Variants in KCNIP4 observed in about 807,000 individuals in gnomAD.
KCNIP4 encodes the protein Kv channel-interacting protein 4.
A neutral mutation model predicts 34.0 loss-of-function variants in KCNIP4; 12 were observed. That is an observed-to-expected ratio of 0.35 (90% CI 0.23 to 0.57). KCNIP4 has a LOEUF of 0.57. Ranked by LOEUF, KCNIP4 falls within the 20% of genes least tolerant of loss-of-function variation. KCNIP4 has a pLI of 0.83. For missense variants in KCNIP4, 238 were observed against 311.7 expected, an observed-to-expected ratio of 0.76 and a Z score of 1.78; for synonymous variants, 124 against 102.2, an observed-to-expected ratio of 1.21 and a Z score of -1.29.
intron 1 of KCNIP4, among the ~76,000 whole-genome samples, chr4:21,631,650 A>C (rs954316396): frequency 8.5e-5 from 13 of 152,112 alleles, no homozygotes; most frequent in Non-Finnish European, 7.4e-5. Flanking sequence ...ACACCTCCTC[A>C]ATCTGGGTCA....
intron 1 of KCNIP4, among the ~76,000 whole-genome samples, chr4:21,641,716 C>T (rs1357225195): frequency 6.6e-6 from 1 of 152,114 alleles, no homozygotes; most frequent in Non-Finnish European, 1.5e-5. Context: ...TCTGTGGATA[C>T]CAGTCAGCCT....
intron 1 of KCNIP4, among the ~76,000 whole-genome samples, chr4:21,271,315 ACAAT>A (rs1374867005): frequency 1.3e-5 from 2 of 152,310 alleles, no homozygotes; most frequent in South Asian, 2.1e-4. Context: ...TGGAATGGAG[ACAAT>A]CAGGTAGAAA....
At chr4:21,200,008 A>T (rs985582779) in intron 1 of KCNIP4, among the ~76,000 whole-genome samples, 1 of 151,860 alleles carries the variant, frequency 6.6e-6, no homozygotes, top group Non-Finnish European at 1.5e-5. Flanking sequence ...ACCTGGACAC[A>T]GGAAGGGGAA....
intron 1 of KCNIP4, among the ~76,000 whole-genome samples, chr4:21,159,294 C>T (rs574881960): frequency 2.7e-4 from 41 of 152,092 alleles, no homozygotes; most frequent in Non-Finnish European, 5.0e-4. Flanking sequence ...GAAATGGACC[C>T]ATGAATATGT....
intron 1 of KCNIP4, among the ~76,000 whole-genome samples, chr4:21,044,913 T>G (rs2149784403): frequency 6.6e-6 from 1 of 152,312 alleles, no homozygotes; most frequent in Non-Finnish European, 1.5e-5. Context: ...AGGAAGCACC[T>G]TTAAAATATC....
intron 1 of KCNIP4, among the ~76,000 whole-genome samples, chr4:21,510,078 CAAAAAAAA>C (rs759477091): frequency 4.6e-5 from 3 of 65,222 alleles, no homozygotes; most frequent in African/African-American, 1.8e-4. Flanking sequence ...ACTCCATCTC[CAAAAAAAA>C]AAAAAAAAAA....
At chr4:21,353,554 G>A (rs1033323270) in intron 1 of KCNIP4, among the ~76,000 whole-genome samples, 15 of 152,124 alleles carry the variant, frequency 9.9e-5, no homozygotes, top group Non-Finnish European at 2.2e-4. Context: ...ATCAGTGATT[G>A]AATATCAAAT....
intron 1 of KCNIP4, among the ~76,000 whole-genome samples, chr4:21,728,319 T>A (rs558151953): frequency 1.3e-5 from 2 of 152,222 alleles, no homozygotes; most frequent in Admixed American, 1.3e-4. Context: ...TCAGGTTAAG[T>A]CAAATAAGGC....
chr4:21,181,377 A>T (rs1754827937), intron 1 of KCNIP4, among the ~76,000 whole-genome samples: 1 of 152,078 alleles, frequency 6.6e-6, no homozygotes, highest in Non-Finnish European at 1.5e-5. Context: ...CTTAAGGCTG[A>T]TTCTCAGTGA....
chr4:21,107,747 C>T (rs1748714149), intron 1 of KCNIP4, among the ~76,000 whole-genome samples: 1 of 151,526 alleles, frequency 6.6e-6, no homozygotes, highest in Non-Finnish European at 1.5e-5. Context: ...CCAGTTGATC[C>T]TTTCCATGTT....
At chr4:21,546,501 T>TTGTATATTCTTTTTCCTC (rs1194779096) in intron 1 of KCNIP4, among the ~76,000 whole-genome samples, 6 of 152,066 alleles carry the variant, frequency 3.9e-5, no homozygotes, top group African/African-American at 1.4e-4. Context: ...AACCGAAAGA[T>TTGTATATTCTTTTTCCTC]TGTATATTCT....
At chr4:21,244,724 AAT>A (rs973179499) in intron 1 of KCNIP4, among the ~76,000 whole-genome samples, 28 of 152,190 alleles carry the variant, frequency 1.8e-4, no homozygotes, top group Non-Finnish European at 2.4e-4. Flanking sequence ...AAACAATTAG[AAT>A]ATGTTTCAGT....
chr4:21,090,438 C>A lies in KCNIP4; in HGVS notation c.62-207729G>T, dbSNP rs547455770. Among the ~76,000 whole-genome samples, 67 of 152,240 alleles carry A rather than the reference C, an allele frequency of 4.4e-4. No individual in the cohort carries two copies. In the South Asian group the frequency reaches 0.013, roughly 30 times the overall value. ...TGCAGCTAAAAAGAAGCAGCATATA[C>A]CCCCAAAACTTAGGTAGGTGTCATA... On this transcript the variant is annotated intron_variant, in intron 1 of 8. Coordinates refer to ENST00000382152, the MANE Select transcript of KCNIP4 (RefSeq NM_025221.6).
chr4:21,112,049 C>CTATCTATCTATA (rs1749247859), intron 1 of KCNIP4, among the ~76,000 whole-genome samples: 5 of 151,708 alleles, frequency 3.3e-5, no homozygotes, highest in Admixed American at 1.3e-4. Context: ...ATCTATCTAT[C>CTATCTATCTATA]TATCTATCTA....
At chr4:21,526,393 G>C (rs1735977873) in intron 1 of KCNIP4, among the ~76,000 whole-genome samples, 1 of 152,054 alleles carries the variant, frequency 6.6e-6, no homozygotes, top group East Asian at 1.9e-4. Context: ...CAGCCATGTG[G>C]AACTGGGAAT....
chr4:21,750,526 T>A (rs1236445923), intron 1 of KCNIP4, among the ~76,000 whole-genome samples: 11 of 152,130 alleles, frequency 7.2e-5, no homozygotes. Context: ...ATGGTTTGAC[T>A]AACAAGTAAA....
chr4:20,936,904 G>T (rs556787605), intron 1 of KCNIP4, among the ~76,000 whole-genome samples: 35 of 152,316 alleles, frequency 2.3e-4, no homozygotes, highest in African/African-American at 7.5e-4. Flanking sequence ...CTGCGCATCT[G>T]CCCTGTGGCT....
chr4:21,281,087 CTTTT>C (rs375309491), intron 1 of KCNIP4, among the ~76,000 whole-genome samples: 1 of 133,196 alleles, frequency 7.5e-6, no homozygotes, highest in African/African-American at 2.9e-5. Context: ...ACATTTTCTT[CTTTT>C]TTTTTTTTTT....
intron 1 of KCNIP4, among the ~76,000 whole-genome samples, chr4:21,227,984 T>C (rs1758527512): frequency 6.6e-6 from 1 of 152,186 alleles, no homozygotes; most frequent in East Asian, 1.9e-4. Flanking sequence ...GTGATACTTT[T>C]GTAAAATAAA....
Sources: gnomAD v4.1 joint callset for allele counts (sites outside exome capture counted in the v4.1 genomes callset) on GRCh38, gnomAD v4.1.1 for gene constraint, MANE v1.5 for transcripts, NCBI Gene and HGNC (gene_info 2026-07-23, HGNC 2026-07-21) for gene names.